Variants in FAM220A observed in about 807,000 individuals in gnomAD.
The protein encoded by FAM220A is family with sequence similarity 220 member A.
For missense variants in FAM220A, 392 were observed against 321.6 expected (o/e 1.22, Z -1.68); for synonymous variants, 141 against 130.7 (o/e 1.08, Z -0.54).
chr7:6,331,160 G>C lies in FAM220A; in HGVS notation c.-6C>G, dbSNP rs553121203. 3.7e-6 allele frequency: 6 copies of C among 1,607,448 alleles called. No homozygotes were observed. In the South Asian group the frequency reaches 4.4e-5, roughly 12 times the overall value. ...GGCCCTCTTCTGTCCCTCATGCTTC[G>C]TGTTCTTGGATGCGGTGGGCCTGAG... On this transcript the variant is annotated 5_prime_UTR_variant, in exon 2 of 2. Coordinates refer to ENST00000313324, the MANE Select transcript of FAM220A (RefSeq NM_001037163.2).
intron 1 of FAM220A, among the ~76,000 whole-genome samples, chr7:6,340,282 T>G (rs936111946): frequency 1.3e-5 from 2 of 152,178 alleles, no homozygotes; most frequent in African/African-American, 4.8e-5. Flanking sequence ...TCCCAGCTGC[T>G]GTCGATCAGA....
At chr7:6,344,406 C>T (rs916867840) in intron 1 of FAM220A, among the ~76,000 whole-genome samples, 2 of 152,152 alleles carry the variant, frequency 1.3e-5, no homozygotes, top group African/African-American at 4.8e-5. Context: ...TGGTCAAGCC[C>T]AAGCCTACAA....
At chr7:6,342,692 G>C (rs544710880) in intron 1 of FAM220A, among the ~76,000 whole-genome samples, 29 of 152,080 alleles carry the variant, frequency 1.9e-4, no homozygotes, top group African/African-American at 6.0e-4. Context: ...TAGCCAAAAA[G>C]TGAAAGCAAC....
intron 1 of FAM220A, among the ~76,000 whole-genome samples, chr7:6,344,616 G>A (rs767260511): frequency 2.0e-5 from 3 of 151,960 alleles, no homozygotes; most frequent in Non-Finnish European, 2.9e-5. Flanking sequence ...ACGGAGTTTC[G>A]CCCTGTTGCC....
chr7:6,347,519 A>G (rs1208063164), intron 1 of FAM220A, among the ~76,000 whole-genome samples: 3 of 83,798 alleles, frequency 3.6e-5, no homozygotes, highest in Admixed American at 1.1e-4. Flanking sequence ...GTCTCAGGGA[A>G]AAAAAAAAAA....
At chr7:6,347,517 G>GAA (rs34147082) in intron 1 of FAM220A, among the ~76,000 whole-genome samples, 1 of 145,574 alleles carries the variant, frequency 6.9e-6, no homozygotes, top group Admixed American at 6.9e-5. Context: ...CTGTCTCAGG[G>GAA]AAAAAAAAAA....
rs184107521 is a variant in FAM220A at position 6,333,081 on chromosome 7, C to T, written c.-81-1846G>A. Reference sequence around the variant, plus strand: ...CTGAAGCGAGAGAATTGCGTGAACCCGGGAGGCAGAGGTTGCAGTGAGCCG... The same window carrying T: ...CTGAAGCGAGAGAATTGCGTGAACCTGGGAGGCAGAGGTTGCAGTGAGCCG... On this transcript the variant is annotated intron_variant, in intron 1 of 1. Transcript: ENST00000313324. Among the ~76,000 whole-genome samples the T allele has an allele frequency of 3.6e-4, 54 of 150,220 alleles. No homozygotes were observed. In the East Asian group the frequency reaches 6.8e-3, roughly 19 times the overall value.
At chr7:6,346,110 C>G (rs531169129) in intron 1 of FAM220A, among the ~76,000 whole-genome samples, 185 of 152,038 alleles carry the variant, frequency 1.2e-3, no homozygotes, top group African/African-American at 4.2e-3. Flanking sequence ...ATCTAAAAAT[C>G]TTGACTTCTG....
chr7:6,347,767 C>T (rs1039267063), intron 1 of FAM220A, among the ~76,000 whole-genome samples: 2 of 151,872 alleles, frequency 1.3e-5, no homozygotes, highest in Non-Finnish European at 2.9e-5. Context: ...CATAAAACGT[C>T]TATGCAGGCC....
rs1170203799 is a variant in FAM220A, at chr7:6,331,237, T to C, written c.-81-2A>G. ...CCTTCAATGGATCTCAATATGAACC[T>C]AGGAAAGGGAATCAAATTAAAGTTC... On this transcript the variant is annotated splice_acceptor_variant, in intron 1 of 1. Coordinates refer to ENST00000313324, the MANE Select transcript of FAM220A (RefSeq NM_001037163.2). LOFTEE classifies it low-confidence loss of function (5UTR_SPLICE). 3 of 1,362,052 alleles carry C rather than the reference T, an allele frequency of 2.2e-6. No homozygotes were observed. In the South Asian group the frequency reaches 4.3e-5, roughly 19 times the overall value. The allele number at this position is 1,362,052 out of a possible 1,614,324, so 84.4% of individuals were successfully genotyped here.
In FAM220A at chr7:6,330,402, T is replaced by G; in HGVS notation, c.753A>C (p.Glu251Asp). 1.2e-6 allele frequency: 2 copies of G among 1,613,536 alleles called. No homozygotes were observed. The highest frequency in any genetic ancestry group is 2.2e-5 in the South Asian group (2 of 90,972). ...AACTATGGCATAATGTATTTGCTAA[T>G]TCAAAAGGTTGCAGAGCCAGTAACC... ...TLGLLALQPFELANTLCHS is the reference protein window; with the variant it reads ...TLGLLALQPFDLANTLCHS Residue 251 changes from glutamate to aspartate, a missense_variant, in exon 2 of 2, where the codon GAA (glutamate) becomes GAC (aspartate). Glu to Asp is a conservative substitution (Grantham distance 45). Transcript: ENST00000313324.
At position 6,330,504 on chromosome 7, in the gene FAM220A, C is replaced by G. The variant is rs61996359; in HGVS notation, c.651G>C (p.Lys217Asn). The G allele has an allele frequency of 6.2e-7, 1 of 1,614,046 alleles. No individual in the cohort carries two copies. Among genetic ancestry groups the G allele is most frequent in the African/African-American group, 1.3e-5 (1 of 74,916 alleles). The change falls in exon 2 of 2, where the codon AAG becomes AAC. Residue 217 changes from lysine to asparagine, a missense_variant. Transcript: ENST00000313324. Reference sequence around the variant, plus strand: ...CTATTGTTTGCTTTGAAAACATGGGCTTTAAACGGTCAAGGAAAATGCGTT... The same window carrying G: ...CTATTGTTTGCTTTGAAAACATGGGGTTTAAACGGTCAAGGAAAATGCGTT... ...ETKRIFLDRL[K>N]PMFSKQTIEF...
intron 1 of FAM220A, among the ~76,000 whole-genome samples, chr7:6,332,979 T>A (rs1358780467): frequency 2.0e-5 from 3 of 151,566 alleles, no homozygotes; most frequent in African/African-American, 7.3e-5. Context: ...GTCAACATGG[T>A]GAAACCCTGT....
At chr7:6,333,182 CA>C (rs1274755600) in intron 1 of FAM220A, among the ~76,000 whole-genome samples, 1 of 140,064 alleles carries the variant, frequency 7.1e-6, no homozygotes, top group Non-Finnish European at 1.6e-5. Flanking sequence ...AAAAAAAAAA[CA>C]AAAAACAAAA....
intron 1 of FAM220A, among the ~76,000 whole-genome samples, chr7:6,333,919 T>C (rs1205502188): frequency 7.0e-6 from 1 of 143,588 alleles, no homozygotes; most frequent in Non-Finnish European, 1.5e-5. Context: ...CCATCTCAGC[T>C]CACTAAAAGC....
rs143253434 is a variant in FAM220A, at chr7:6,347,883, T to TTTATTATTATTATTATTATTATTA, written c.-82+666_-82+689dup. Among the ~76,000 whole-genome samples, 84 of 131,532 alleles carry TTTATTATTATTATTATTATTATTA rather than the reference T, an allele frequency of 6.4e-4. 2 individuals carry two copies. The highest frequency in any genetic ancestry group is 1.9e-3 in the African/African-American group (67 of 35,520). The allele number at this position is 131,532 out of a possible 152,430, so 86.3% of individuals were successfully genotyped here. ...AGCCTGGGCAACATAACGAGACCCCTTTATTATTATTATTATTATTATTAT... is the reference window on the plus strand; with the variant it reads ...AGCCTGGGCAACATAACGAGACCCCTTTATTATTATTATTATTATTATTATTATTATTATTATTATTATTATTAT... On this transcript the variant is annotated intron_variant, in intron 1 of 1. Coordinates refer to ENST00000313324, the MANE Select transcript of FAM220A (RefSeq NM_001037163.2).
intron 1 of FAM220A, among the ~76,000 whole-genome samples, chr7:6,340,933 TCCTG>T (rs1781841209): frequency 9.6e-6 from 1 of 104,702 alleles, no homozygotes; most frequent in Non-Finnish European, 1.9e-5. Context: ...AAAGCTGTCA[TCCTG>T]CCTAACATGG....
intron 1 of FAM220A, among the ~76,000 whole-genome samples, chr7:6,345,315 G>C (rs537528315): frequency 6.6e-6 from 1 of 151,312 alleles, no homozygotes; most frequent in South Asian, 2.1e-4. Flanking sequence ...GGGTCTTGCT[G>C]TGTTGCCCAG....
chr7:6,334,338 C>G (rs938236866), intron 1 of FAM220A, among the ~76,000 whole-genome samples: 1 of 151,324 alleles, frequency 6.6e-6, no homozygotes, highest in Non-Finnish European at 1.5e-5. Context: ...GAGTTCAAGA[C>G]CAGCCTGAAC....
Sources: allele counts gnomAD v4.1 joint callset (sites outside exome capture counted in the v4.1 genomes callset), GRCh38; gene constraint gnomAD v4.1.1; transcripts MANE v1.5; gene names NCBI Gene and HGNC (gene_info 2026-07-23, HGNC 2026-07-21).